The following PCSK6 variants were observed in gnomAD, a reference collection of about 807,000 sequenced individuals.
PCSK6 encodes the protein paired basic amino acid cleaving enzyme 4.
Under a neutral mutation model 123.3 loss-of-function variants are expected in PCSK6, and 85 were observed. The ratio of observed to expected loss-of-function variants is 0.69; its 90% CI spans 0.58 to 0.83. The LOEUF (loss-of-function observed/expected upper bound fraction) is 0.83. Among genes scored for constraint, PCSK6 ranks in the 40% least tolerant of loss-of-function variants. The pLI is 0.00. For missense variants in PCSK6, 1,191 were observed against 1,282.3 expected (o/e 0.93, Z 1.09); for synonymous variants, 508 against 516.0 (o/e 0.98, Z 0.21).
chr15:101,404,411 C>T (rs377361143), intron 6 of PCSK6, among the ~76,000 whole-genome samples: 2 of 152,172 alleles, frequency 1.3e-5, no homozygotes, highest in East Asian at 1.9e-4. Context: ...AATCTGTGGT[C>T]CATGTGCCTG....
At chr15:101,424,171 G>A (rs2056176489) in intron 6 of PCSK6, among the ~76,000 whole-genome samples, 1 of 151,880 alleles carries the variant, frequency 6.6e-6, no homozygotes, top group African/African-American at 2.4e-5. Flanking sequence ...GGAGTTTAAG[G>A]CTGCAGTGAG....
intron 13 of PCSK6, among the ~76,000 whole-genome samples, chr15:101,356,246 C>T (rs534061612): frequency 6.6e-6 from 1 of 151,376 alleles, no homozygotes. Flanking sequence ...AGGCTCTGTG[C>T]GTAACGGCTG....
chr15:101,313,038 T>C, intron 20 of PCSK6: 1 of 1,200,298 alleles, frequency 8.3e-7, no homozygotes, highest in South Asian at 1.8e-5. Context: ...AAACATGGTT[T>C]CTCTGATTAT....
chr15:101,469,527 CTTAG>C (rs944297383), intron 1 of PCSK6, among the ~76,000 whole-genome samples: 11 of 152,166 alleles, frequency 7.2e-5, no homozygotes, highest in African/African-American at 1.4e-4. Context: ...AGAGAGAATC[CTTAG>C]TTAATTAATT....
chr15:101,353,291 G>A (rs1178383428), intron 13 of PCSK6, among the ~76,000 whole-genome samples: 5 of 152,280 alleles, frequency 3.3e-5, no homozygotes, highest in Admixed American at 1.3e-4. Flanking sequence ...AATGGGGTTC[G>A]CACTCCTATG....
Position 101,324,869 on chromosome 15 carries a change from T to C in PCSK6, c.2358A>G (p.Ala786=). 2 of 1,613,300 alleles carry C rather than the reference T, an allele frequency of 1.2e-6. No individual in the cohort carries two copies. The highest frequency in any genetic ancestry group is 1.7e-6 in the Non-Finnish European group (2 of 1,179,642). ...ACTTACTTTCATCAGCATAAAATCC[T>C]GCAGGACAGAGGGTCACACAGGTGT... ...EMNTCVTLCP[A]GFYADESQKN... The change falls in exon 17 of 22, where the codon GCA becomes GCG. Residue 786 remains alanine, a synonymous_variant. Coordinates refer to ENST00000611716, the MANE Select transcript of PCSK6 (RefSeq NM_002570.5).
chr15:101,378,379 T>C (rs967665751), intron 11 of PCSK6, among the ~76,000 whole-genome samples: 2 of 152,236 alleles, frequency 1.3e-5, no homozygotes, highest in African/African-American at 4.8e-5. Flanking sequence ...TTTCATCCAG[T>C]GCTATCCTGG....
chr15:101,381,968 C>T (rs1037237683), intron 11 of PCSK6, 124 bp downstream of exon 11: 7 of 646,488 alleles, frequency 1.1e-5, no homozygotes, highest in Admixed American at 2.6e-5. Flanking sequence ...TGCAGGCATG[C>T]ATCGTGCACA....
rs117660645 is a variant in PCSK6, at chr15:101,306,775, G to T, written c.2812+438C>A. The stretch of plus-strand genomic sequence containing the variant: ...GCTGGATCCCTGCAGAGCTGGGATT[G>T]CTGCTGCTGAGCGTGTGCTCTACTC... On this transcript the variant is annotated intron_variant, in intron 21 of 21. Coordinates refer to ENST00000611716, the MANE Select transcript of PCSK6 (RefSeq NM_002570.5). 3.5e-4 allele frequency among the ~76,000 whole-genome samples: 54 copies of T among 152,326 alleles called. No individual in the cohort carries two copies. In the East Asian group the frequency reaches 5.8e-3, roughly 16 times the overall value.
chr15:101,419,321 T>C lies in PCSK6; in HGVS notation c.823+8571A>G, dbSNP rs192066606. Among the ~76,000 whole-genome samples the C allele has an allele frequency of 1.2e-3, 190 of 152,086 alleles. 1 individual carries two copies. The highest frequency in any genetic ancestry group is 1.5e-3 in the Non-Finnish European group (104 of 67,990). On this transcript the variant is annotated intron_variant, in intron 6 of 21. Transcript: ENST00000611716. ...CGTTTCAATAATGACCAATTAGAAATACAAATTTTTAAAAAATCTAGATAT... is the reference window on the plus strand; with the variant it reads ...CGTTTCAATAATGACCAATTAGAAACACAAATTTTTAAAAAATCTAGATAT...
intron 13 of PCSK6, among the ~76,000 whole-genome samples, chr15:101,362,908 C>T (rs2041275880): frequency 6.6e-6 from 1 of 152,184 alleles, no homozygotes; most frequent in African/African-American, 2.4e-5. Context: ...CTGGCTTTAA[C>T]AACCTGGGGA....
intron 8 of PCSK6, among the ~76,000 whole-genome samples, chr15:101,392,366 G>A (rs902804209): frequency 6.6e-6 from 1 of 152,214 alleles, no homozygotes; most frequent in African/African-American, 2.4e-5. Flanking sequence ...GAGCAAAGCC[G>A]AGAACAGGAA....
intron 6 of PCSK6, among the ~76,000 whole-genome samples, chr15:101,415,161 A>T (rs1301163666): frequency 3.3e-5 from 5 of 152,256 alleles, no homozygotes; most frequent in Non-Finnish European, 5.9e-5. Context: ...TCATCATGGA[A>T]ACCAGCATTC....
chr15:101,367,157 C>T (rs2041422975), intron 12 of PCSK6, among the ~76,000 whole-genome samples: 1 of 152,164 alleles, frequency 6.6e-6, no homozygotes, highest in African/African-American at 2.4e-5. Context: ...ACCCTTGAGC[C>T]CCTGGGCCTT....
intron 12 of PCSK6, among the ~76,000 whole-genome samples, 157 bp from the exon 13 acceptor site, chr15:101,366,489 G>A (rs2041396172): frequency 6.6e-6 from 1 of 152,158 alleles, no homozygotes; most frequent in Non-Finnish European, 1.5e-5. Context: ...CGAGGGCAAA[G>A]GGCACAGTGA....
chr15:101,309,659 C>T (rs1301349429), intron 20 of PCSK6, among the ~76,000 whole-genome samples: 1 of 152,256 alleles, frequency 6.6e-6, no homozygotes, highest in Non-Finnish European at 1.5e-5. Flanking sequence ...CGTGCCCCTT[C>T]AAGCTGTGCC....
At position 101,324,976 on chromosome 15, in the gene PCSK6, T is replaced by C. The variant is rs752239146; in HGVS notation, c.2251A>G (p.Lys751Glu). 1.1e-5 allele frequency: 17 copies of C among 1,613,028 alleles called. No homozygotes were observed. Among genetic ancestry groups the C allele is most frequent in the Non-Finnish European group, 4.2e-6 (5 of 1,179,888 alleles). The change falls in exon 17 of 22, where the codon AAG (lysine) becomes GAG (glutamate). Residue 751 changes from lysine (K) to glutamate (E), a missense_variant. Physicochemically the swap from Lys to Glu is moderately conservative, Grantham distance 56. Coordinates refer to ENST00000611716, the MANE Select transcript of PCSK6 (RefSeq NM_002570.5). ...TAARRCRRCH[K>E]GCETCSSRAA... is the part of the protein sequence containing the mutation. The stretch of plus-strand genomic sequence containing the variant: ...CTGCTGGAGCAGGTCTCACACCCCT[T>C]GTGGCACCGGCGACAGCGTCTTGCT...
chr15:101,314,224 C>A (rs961982056), intron 19 of PCSK6, among the ~76,000 whole-genome samples: 1 of 152,090 alleles, frequency 6.6e-6, no homozygotes, highest in Admixed American at 6.5e-5. Context: ...CAAAGGGCCA[C>A]GAGTCATGGA....
chr15:101,379,823 C>G (rs116395601), intron 11 of PCSK6, among the ~76,000 whole-genome samples: 1,998 of 152,336 alleles, frequency 0.013, 50 homozygotes, highest in African/African-American at 0.045. Context: ...GGCTCAGGTG[C>G]AGATGACCCC....
Sources: allele counts gnomAD v4.1 joint callset (sites outside exome capture counted in the v4.1 genomes callset), GRCh38; gene constraint gnomAD v4.1.1; transcripts MANE v1.5; gene names NCBI Gene and HGNC (gene_info 2026-07-23, HGNC 2026-07-21).